GNA14: variants seen among roughly 807,000 people sequenced by gnomAD.
GNA14 encodes the protein guanine nucleotide-binding protein subunit alpha-14.
GNA14 carries 50 observed loss-of-function variants against 42.0 expected under a neutral mutation model. The observed-to-expected ratio is 1.19, with a 90% CI of 0.95 to 1.51. The LOEUF (loss-of-function observed/expected upper bound fraction) is 1.51, where lower values mean the gene tolerates loss of function less well. GNA14 is among the 40% of genes most tolerant of loss of function. GNA14 has a pLI of 0.00. For missense variants in GNA14, 473 were observed against 446.2 expected (o/e 1.06, Z -0.54); for synonymous variants, 173 against 163.1 (o/e 1.06, Z -0.46).
At chr9:77,647,238 G>T (rs1003100348) in intron 1 of GNA14, among the ~76,000 whole-genome samples, 10 of 152,170 alleles carry the variant, frequency 6.6e-5, no homozygotes, top group Admixed American at 4.6e-4. Flanking sequence ...GCACGATCTG[G>T]CACATGGTAA....
intron 2 of GNA14, among the ~76,000 whole-genome samples, chr9:77,436,511 A>G (rs1835640551): frequency 6.6e-6 from 1 of 152,216 alleles, no homozygotes. Context: ...CACCACTGGC[A>G]TGCTGCATGT....
chr9:77,431,365 G>C lies in GNA14; in HGVS notation c.549C>G (p.Thr183=), dbSNP rs61755086. The C allele has an allele frequency of 6.2e-7, 1 of 1,613,362 alleles. No individual in the cohort carries two copies. Among genetic ancestry groups the C allele is most frequent in the African/African-American group, 1.3e-5 (1 of 74,888 alleles). The change falls in exon 4 of 7, where the codon ACC becomes ACG. Residue 183 remains threonine (T), a synonymous_variant. Coordinates refer to ENST00000341700, the MANE Select transcript of GNA14 (RefSeq NM_004297.4). ...AGTCAAATGGATACTCAATGATGCC[G>C]GTGGTGGGCACTCGGACGCGAAGCA... ...QDVLRVRVPT[T]GIIEYPFDLE...
intron 1 of GNA14, among the ~76,000 whole-genome samples, chr9:77,592,273 A>T (rs1204359824): frequency 6.6e-6 from 1 of 152,116 alleles, no homozygotes; most frequent in Non-Finnish European, 1.5e-5. Context: ...GAGGTTGTGA[A>T]CTAATAACTG....
chr9:77,440,073 A>G (rs1334318190), intron 2 of GNA14, among the ~76,000 whole-genome samples: 1 of 152,268 alleles, frequency 6.6e-6, no homozygotes, highest in Non-Finnish European at 1.5e-5. Context: ...TAAATATTAT[A>G]GGAGCAAACT....
chr9:77,424,265 C>T, intron 6 of GNA14, 96 bp from the exon 7 acceptor site: 1 of 809,308 alleles, frequency 1.2e-6, no homozygotes, highest in South Asian at 2.0e-5. Context: ...CTCTGTAGCC[C>T]AGGCTGGAGT....
At chr9:77,507,861 T>C (rs7036110) in intron 2 of GNA14, among the ~76,000 whole-genome samples, 34,543 of 151,926 alleles carry the variant, frequency 0.23, 4,203 homozygotes, top group East Asian at 0.46. Context: ...CACTCATCAC[T>C]GCGCCCACCA....
intron 1 of GNA14, among the ~76,000 whole-genome samples, chr9:77,566,145 CTTTTTTTTTTTTTTTTTT>C (rs956489720): frequency 2.0e-5 from 2 of 102,510 alleles, no homozygotes; most frequent in Non-Finnish European, 3.8e-5. Context: ...GGGAGTGCTT[CTTTTTTTTTTTTTTTTTT>C]TTTTTTTCTG....
At chr9:77,516,672 G>GCCTCCT (rs1837263892) in intron 2 of GNA14, among the ~76,000 whole-genome samples, 1 of 151,586 alleles carries the variant, frequency 6.6e-6, no homozygotes, top group Non-Finnish European at 1.5e-5. Flanking sequence ...GTTGCAGTAA[G>GCCTCCT]CTGAGATGGC....
chr9:77,478,505 T>C (rs1836477458), intron 2 of GNA14, among the ~76,000 whole-genome samples: 1 of 152,176 alleles, frequency 6.6e-6, no homozygotes, highest in Admixed American at 6.5e-5. Context: ...CATGTGTCTT[T>C]ATAGCAGCAT....
intron 2 of GNA14, among the ~76,000 whole-genome samples, chr9:77,490,068 G>A (rs1248300790): frequency 2.0e-5 from 3 of 152,254 alleles, no homozygotes; most frequent in Admixed American, 6.5e-5. Flanking sequence ...AGAGCAGCTA[G>A]ATACAGAGTG....
intron 2 of GNA14, among the ~76,000 whole-genome samples, chr9:77,450,954 C>G (rs1474917406): frequency 6.6e-6 from 1 of 152,136 alleles, no homozygotes; most frequent in Non-Finnish European, 1.5e-5. Flanking sequence ...TCCTTCTTCC[C>G]CTTCCACCAT....
At chr9:77,642,739 A>G (rs1824288304) in intron 1 of GNA14, among the ~76,000 whole-genome samples, 1 of 152,232 alleles carries the variant, frequency 6.6e-6, no homozygotes, top group South Asian at 2.1e-4. Context: ...ATTACACTCC[A>G]GCCTGAGCAA....
chr9:77,555,334 G>C (rs772294897), intron 1 of GNA14, among the ~76,000 whole-genome samples: 1 of 151,932 alleles, frequency 6.6e-6, no homozygotes, highest in Non-Finnish European at 1.5e-5. Context: ...GGCGAAACTC[G>C]GTCTCTACCA....
At chr9:77,515,134 T>TA (rs35682815) in intron 2 of GNA14, among the ~76,000 whole-genome samples, 28,581 of 151,834 alleles carry the variant, frequency 0.19, 2,953 homozygotes, top group East Asian at 0.39. Context: ...CATGGGCTCA[T>TA]AAAAAAATCA....
intron 1 of GNA14, among the ~76,000 whole-genome samples, chr9:77,534,488 C>T (rs1391995913): frequency 6.6e-6 from 1 of 152,192 alleles, no homozygotes; most frequent in Non-Finnish European, 1.5e-5. Context: ...GAAAGACTGC[C>T]TCCCAGAGAG....
intron 2 of GNA14, among the ~76,000 whole-genome samples, chr9:77,503,051 C>T (rs118111598): frequency 0.015 from 2,241 of 152,186 alleles, 22 homozygotes; most frequent in Middle Eastern, 0.027. Context: ...TTCCTTGGGC[C>T]CTGAGGTCCC....
chr9:77,444,307 G>T (rs1248342736), intron 2 of GNA14, among the ~76,000 whole-genome samples: 1 of 152,156 alleles, frequency 6.6e-6, no homozygotes, highest in Non-Finnish European at 1.5e-5. Flanking sequence ...AACCTCACAG[G>T]TGCCCTCAGC....
intron 1 of GNA14, among the ~76,000 whole-genome samples, chr9:77,569,797 C>T (rs1197429491): frequency 5.3e-5 from 8 of 149,946 alleles, no homozygotes; most frequent in Non-Finnish European, 7.4e-5. Flanking sequence ...GACGGAGTTT[C>T]GCTCTTTCAC....
chr9:77,630,440 C>T (rs994871262), intron 1 of GNA14, among the ~76,000 whole-genome samples: 2 of 152,106 alleles, frequency 1.3e-5, no homozygotes, highest in Admixed American at 6.5e-5. Context: ...TTTATTTAAT[C>T]GATCTACCAG....
Sources: allele counts gnomAD v4.1 joint callset (sites outside exome capture counted in the v4.1 genomes callset), GRCh38; gene constraint gnomAD v4.1.1; transcripts MANE v1.5; gene names NCBI Gene and HGNC (gene_info 2026-07-23, HGNC 2026-07-21).